The following PNPT1 variants were observed in gnomAD, a reference collection of about 807,000 sequenced individuals.
The protein encoded by PNPT1 is polyribonucleotide nucleotidyltransferase 1, mitochondrial.
Under a neutral mutation model 119.5 loss-of-function variants are expected in PNPT1, and 53 were observed. The observed-to-expected ratio is 0.44, with a 90% CI of 0.36 to 0.56. The LOEUF (loss-of-function observed/expected upper bound fraction) is 0.56, where lower values mean the gene tolerates loss of function less well. Ranked by LOEUF, PNPT1 falls within the 20% of genes least tolerant of loss-of-function variation. The pLI is 0.00. For missense variants in PNPT1, 948 were observed against 938.5 expected (o/e 1.01, Z -0.13); for synonymous variants, 357 against 322.1 (o/e 1.11, Z -1.16).
rs536073867 is a variant in PNPT1, at chr2:55,645,638, A to G, written c.1739-206T>C. Among the ~76,000 whole-genome samples the G allele has an allele frequency of 5.9e-5, 9 of 152,306 alleles. No homozygotes were observed. In the South Asian group the frequency reaches 1.5e-3, roughly 25 times the overall value. ...AGTTGTTTAATTTGTAAAAATTGAAATTTCACTGGTAACCCACTTTGGCGT... is the reference window on the plus strand; with the variant it reads ...AGTTGTTTAATTTGTAAAAATTGAAGTTTCACTGGTAACCCACTTTGGCGT... On this transcript the variant is annotated intron_variant, in intron 21 of 27. Transcript: ENST00000447944.
chr2:55,686,629 G>T (rs1432953631), intron 2 of PNPT1, among the ~76,000 whole-genome samples, 185 bp from the exon 3 acceptor site: 5 of 152,100 alleles, frequency 3.3e-5, no homozygotes, highest in African/African-American at 1.2e-4. Context: ...CAAAAGCTAT[G>T]GAATCAAAAT....
chr2:55,654,767 G>C, intron 18 of PNPT1, 133 bp downstream of exon 18: 2 of 703,914 alleles, frequency 2.8e-6, no homozygotes, highest in Admixed American at 2.5e-5. Flanking sequence ...GTAGAGATGA[G>C]GTCTTGCTAT....
At chr2:55,673,140 T>C in intron 8 of PNPT1, 61 bp from the exon 9 acceptor site, 2 of 1,305,734 alleles carry the variant, frequency 1.5e-6, no homozygotes, top group Non-Finnish European at 2.1e-6. Flanking sequence ...AATATAACAT[T>C]TTCAAATACC....
chr2:55,645,885 T>C (rs189764193), intron 21 of PNPT1, among the ~76,000 whole-genome samples: 16 of 152,178 alleles, frequency 1.1e-4, no homozygotes, highest in Admixed American at 1.0e-3. Flanking sequence ...TGGCGCGCAA[T>C]GGCATGATCT....
intron 3 of PNPT1, 52 bp downstream of exon 3, chr2:55,686,318 C>T: frequency 6.6e-7 from 1 of 1,511,174 alleles, no homozygotes; most frequent in Admixed American, 1.8e-5. Flanking sequence ...ATTATACATT[C>T]TACACTTTAC....
chr2:55,675,380 G>A (rs535494741), intron 8 of PNPT1, among the ~76,000 whole-genome samples: 2 of 151,990 alleles, frequency 1.3e-5, no homozygotes, highest in African/African-American at 4.8e-5. Flanking sequence ...TTGAGGCCAG[G>A]AGATTAGCCT....
Position 55,686,520 on chromosome 2 carries a change from C to T in PNPT1, c.223-76G>A, listed in dbSNP as rs144070765. 1.1e-3 allele frequency: 1,218 copies of T among 1,064,970 alleles called. 25 individuals carry two copies. The East Asian group carries it at 0.028, about 24-fold the overall frequency. 66.0% of individuals were successfully genotyped at this position (1,064,970 alleles called of 1,614,324 possible). ...CATCTAAGTAGCAACTGAATAAATC[C>T]TTACTCCAATTAAACTCAAGAAAAG... On this transcript the variant is annotated intron_variant, in intron 2 of 27. Transcript: ENST00000447944.
chr2:55,677,787 T>C (rs1035647355), intron 8 of PNPT1, among the ~76,000 whole-genome samples: 20 of 151,944 alleles, frequency 1.3e-4, no homozygotes, highest in African/African-American at 4.8e-4. Flanking sequence ...TTGCCCAGGC[T>C]GGAGTGCAGT....
At chr2:55,676,503 T>C (rs1697077040) in intron 8 of PNPT1, among the ~76,000 whole-genome samples, 1 of 152,180 alleles carries the variant, frequency 6.6e-6, no homozygotes, top group Non-Finnish European at 1.5e-5. Context: ...ATGTTGGTGT[T>C]GAAGTAACCC....
At chr2:55,637,620 C>T (rs375719815) in intron 26 of PNPT1, 21 bp from the exon 27 acceptor site, 244 of 1,574,260 alleles carry the variant, frequency 1.5e-4, no homozygotes, top group Non-Finnish European at 2.0e-4. Flanking sequence ...AAATGTTAAT[C>T]TATTAGTTGT....
chr2:55,660,209 A>G lies in PNPT1; in HGVS notation c.1248-16T>C, dbSNP rs374813287. The G allele has an allele frequency of 5.9e-5, 93 of 1,579,614 alleles. No individual in the cohort carries two copies. The African/African-American group carries it at 1.0e-3, about 18-fold the overall frequency. On this transcript the variant is annotated splice_polypyrimidine_tract_variant and intron_variant, in intron 14 of 27. Coordinates refer to ENST00000447944, the MANE Select transcript of PNPT1 (RefSeq NM_033109.5). ...TTTTATCCCACTAAAAATAAAAGGC[A>G]TAATATTAAAAACATCATAGGGAAA...
intron 2 of PNPT1, 55 bp from the exon 3 acceptor site, chr2:55,686,499 T>C: frequency 7.4e-7 from 1 of 1,355,786 alleles, no homozygotes; most frequent in Non-Finnish European, 1.0e-6. Flanking sequence ...TATTAGCATC[T>C]AAGTAGCAAC....
chr2:55,683,235 T>A (rs1442411577), intron 5 of PNPT1, among the ~76,000 whole-genome samples: 1 of 152,164 alleles, frequency 6.6e-6, no homozygotes, highest in Non-Finnish European at 1.5e-5. Flanking sequence ...TTTCAATGCT[T>A]CCCTGACACA....
At chr2:55,679,827 A>G (rs1225563957) in intron 7 of PNPT1, 32 bp from the exon 8 acceptor site, 1 of 1,443,474 alleles carries the variant, frequency 6.9e-7, no homozygotes, top group East Asian at 2.3e-5. Context: ...GCAACTGTTT[A>G]ATGGAAATAC....
At position 55,660,174 on chromosome 2, in the gene PNPT1, A is replaced by C. The variant is rs1431159901; in HGVS notation, c.1267T>G (p.Phe423Val). Residue 423 changes from phenylalanine (F) to valine (V), a missense_variant, in exon 15 of 28, where the codon TTC (phenylalanine) becomes GTC (valine). Coordinates refer to ENST00000447944, the MANE Select transcript of PNPT1 (RefSeq NM_033109.5). The part of the protein sequence containing the change: ...TAINGIKDKN[F>V]MLHYEFPPYA... ...CACCTTACCTCGTAGTGCAGCATGAAATTTTTATCTTTTATCCCACTAAAA... is the reference window on the plus strand; with the variant it reads ...CACCTTACCTCGTAGTGCAGCATGACATTTTTATCTTTTATCCCACTAAAA... The C allele has an allele frequency of 6.3e-7, 1 of 1,591,448 alleles. No individual in the cohort carries two copies. The highest frequency in any genetic ancestry group is 8.5e-7 in the Non-Finnish European group (1 of 1,169,610).
chr2:55,642,463 G>A (rs1331803843), intron 25 of PNPT1, among the ~76,000 whole-genome samples: 2 of 151,812 alleles, frequency 1.3e-5, no homozygotes, highest in Non-Finnish European at 2.9e-5. Context: ...AAAATAATTA[G>A]CTAGGCGTGG....
chr2:55,640,013 A>C (rs971500742), intron 26 of PNPT1, among the ~76,000 whole-genome samples: 11 of 152,326 alleles, frequency 7.2e-5, no homozygotes, highest in South Asian at 6.2e-4. Context: ...TGACTATAAT[A>C]CAACTTCTAG....
intron 19 of PNPT1, among the ~76,000 whole-genome samples, chr2:55,646,964 T>C (rs1696023204): frequency 6.6e-6 from 1 of 152,104 alleles, no homozygotes; most frequent in South Asian, 2.1e-4. Flanking sequence ...GCCTGCCAAG[T>C]AGATGGGATT....
At chr2:55,691,878 A>ATATATATATTTTT (rs1326804958) in intron 1 of PNPT1, among the ~76,000 whole-genome samples, 21 of 33,088 alleles carry the variant, frequency 6.3e-4, no homozygotes, top group Non-Finnish European at 1.1e-3. Flanking sequence ...ATATATATAT[A>ATATATATATTTTT]TTTTTTTTTT....
Sources: allele counts gnomAD v4.1 joint callset (sites outside exome capture counted in the v4.1 genomes callset), GRCh38; gene constraint gnomAD v4.1.1; transcripts MANE v1.5; gene names NCBI Gene and HGNC (gene_info 2026-07-23, HGNC 2026-07-21).